DOCK10: variants seen among roughly 807,000 people sequenced by gnomAD.
The protein encoded by DOCK10 is dedicator of cytokinesis protein 10.
A neutral mutation model predicts 280.1 loss-of-function variants in DOCK10; 145 were observed. The observed-to-expected ratio is 0.52, with a 90% CI of 0.45 to 0.59. The LOEUF is 0.59. DOCK10 is among the 20% of genes least tolerant of loss of function. The pLI is 0.00. For synonymous variants in DOCK10, 915 were observed against 942.2 expected, an observed-to-expected ratio of 0.97 and a Z score of 0.53; for missense variants, 2,368 against 2,651.7, an observed-to-expected ratio of 0.89 and a Z score of 2.35.
chr2:224,947,967 G>T (rs1029880760), intron 1 of DOCK10, among the ~76,000 whole-genome samples: 1 of 152,184 alleles, frequency 6.6e-6, no homozygotes, highest in Non-Finnish European at 1.5e-5. Context: ...GCTTAACAAT[G>T]AACCTTGTCT....
chr2:225,026,869 T>C (rs1689934545), intron 1 of DOCK10, among the ~76,000 whole-genome samples: 1 of 152,200 alleles, frequency 6.6e-6, no homozygotes. Context: ...ATATATTGAA[T>C]AATACTTGAT....
At chr2:224,775,801 T>C (rs1422857703) in intron 51 of DOCK10, among the ~76,000 whole-genome samples, 1 of 152,206 alleles carries the variant, frequency 6.6e-6, no homozygotes, top group African/African-American at 2.4e-5. Flanking sequence ...TTGAGAGTAA[T>C]TCAAATGAAA....
intron 1 of DOCK10, among the ~76,000 whole-genome samples, chr2:224,994,371 G>C (rs1478244475): frequency 1.3e-5 from 2 of 152,206 alleles, no homozygotes; most frequent in African/African-American, 4.8e-5. Flanking sequence ...AGAATTAAGT[G>C]AGATAATATG....
chr2:224,944,719 C>T (rs1703297357), intron 1 of DOCK10, among the ~76,000 whole-genome samples: 2 of 152,190 alleles, frequency 1.3e-5, no homozygotes, highest in African/African-American at 4.8e-5. Flanking sequence ...ATGAAAAGCA[C>T]ATCTCAGGAT....
At chr2:225,016,720 T>G (rs1485599518) in intron 1 of DOCK10, among the ~76,000 whole-genome samples, 1 of 149,940 alleles carries the variant, frequency 6.7e-6, no homozygotes, top group Non-Finnish European at 1.5e-5. Flanking sequence ...ATTTTTTTTT[T>G]GAGACAGGGT....
chr2:224,813,945 C>G (rs932499612), intron 31 of DOCK10, among the ~76,000 whole-genome samples: 5 of 152,184 alleles, frequency 3.3e-5, no homozygotes, highest in African/African-American at 1.2e-4. Flanking sequence ...TATCCTCTGT[C>G]TTAACAAGAT....
At chr2:224,957,277 T>C (rs896100494) in intron 1 of DOCK10, among the ~76,000 whole-genome samples, 5 of 131,388 alleles carry the variant, frequency 3.8e-5, no homozygotes, top group Middle Eastern at 4.0e-3. Flanking sequence ...ATTTAGTTTT[T>C]ACTTTCCGCC....
chr2:224,955,843 G>A (rs1575111198), intron 1 of DOCK10, among the ~76,000 whole-genome samples: 2 of 152,332 alleles, frequency 1.3e-5, no homozygotes, highest in South Asian at 4.1e-4. Flanking sequence ...AGGTAAACAA[G>A]AAGAACTGAA....
intron 3 of DOCK10, among the ~76,000 whole-genome samples, chr2:224,901,400 A>G (rs1418528816): frequency 6.6e-6 from 1 of 152,224 alleles, no homozygotes; most frequent in African/African-American, 2.4e-5. Context: ...AAAGGCTGTG[A>G]ATATTGAGCA....
chr2:225,003,187 T>C (rs1332275172), intron 1 of DOCK10, among the ~76,000 whole-genome samples: 1 of 152,074 alleles, frequency 6.6e-6, no homozygotes, highest in Admixed American at 6.6e-5. Flanking sequence ...GCTGGGACTA[T>C]GTGTGTACCA....
chr2:224,863,866 T>C (rs939371087), intron 13 of DOCK10, among the ~76,000 whole-genome samples: 2 of 152,246 alleles, frequency 1.3e-5, no homozygotes, highest in Non-Finnish European at 2.9e-5. Context: ...CAGCATTCTC[T>C]TTCCTCTTTT....
At chr2:224,783,646 C>T (rs1250998730) in intron 50 of DOCK10, among the ~76,000 whole-genome samples, 2 of 152,000 alleles carry the variant, frequency 1.3e-5, no homozygotes, top group African/African-American at 2.4e-5. Context: ...AATCAGCACA[C>T]TTTACTGAGG....
At chr2:224,837,599 T>C (rs1695672182) in intron 25 of DOCK10, 163 bp downstream of exon 25, 1 of 607,454 alleles carries the variant, frequency 1.6e-6, no homozygotes, top group Non-Finnish European at 3.0e-6. Flanking sequence ...AGCCCATTAA[T>C]GCAAAGAGAT....
intron 1 of DOCK10, among the ~76,000 whole-genome samples, chr2:225,026,880 C>A (rs570951699): frequency 1.3e-5 from 2 of 152,100 alleles, no homozygotes; most frequent in Non-Finnish European, 2.9e-5. Context: ...AATACTTGAT[C>A]CACTCTTCTG....
In DOCK10 at chr2:224,784,507, A is replaced by G. The variant is rs116337518; in HGVS notation, c.5655+2515T>C. Among the ~76,000 whole-genome samples the G allele has an allele frequency of 4.0e-3, 610 of 152,364 alleles. 4 individuals carry two copies. The highest frequency in any genetic ancestry group is 0.014 in the African/African-American group (577 of 41,590). ...CTACATCTACCTTTAGGCAGAAAGC[A>G]TGTATGAAAAACAAAGGATACATTT... is the stretch of plus-strand genomic sequence containing the variant. On this transcript the variant is annotated intron_variant, in intron 50 of 55. Transcript: ENST00000258390.
At chr2:224,948,412 T>C (rs1017216640) in intron 1 of DOCK10, among the ~76,000 whole-genome samples, 6 of 152,246 alleles carry the variant, frequency 3.9e-5, no homozygotes, top group Non-Finnish European at 7.3e-5. Context: ...TGATCCCTGG[T>C]CATTTGATAT....
intron 1 of DOCK10, among the ~76,000 whole-genome samples, chr2:225,024,202 G>A (rs1689857342): frequency 6.6e-6 from 1 of 152,090 alleles, no homozygotes; most frequent in East Asian, 1.9e-4. Flanking sequence ...TAAATGAAAT[G>A]GAATCCTTGG....
intron 14 of DOCK10, 136 bp downstream of exon 14, chr2:224,862,528 T>A (rs1264669087): frequency 3.0e-6 from 2 of 671,662 alleles, no homozygotes; most frequent in Middle Eastern, 2.5e-4. Flanking sequence ...AAGATGTTTA[T>A]GAAGATGACC....
chr2:224,961,707 A>G (rs1293127112), intron 1 of DOCK10, among the ~76,000 whole-genome samples: 3 of 151,772 alleles, frequency 2.0e-5, no homozygotes, highest in African/African-American at 7.3e-5. Context: ...AGGTTTCACC[A>G]TGTTGGCCAG....
Sources: allele counts gnomAD v4.1 joint callset (sites outside exome capture counted in the v4.1 genomes callset), GRCh38; gene constraint gnomAD v4.1.1; transcripts MANE v1.5; gene names NCBI Gene and HGNC (gene_info 2026-07-23, HGNC 2026-07-21).